The following NDST1 variants were observed in gnomAD, a reference collection of about 807,000 sequenced individuals.
NDST1 encodes the protein N-deacetylase and N-sulfotransferase 1, also known as bifunctional heparan sulfate N-deacetylase/N-sulfotransferase 1.
A neutral mutation model predicts 92.8 loss-of-function variants in NDST1; 35 were observed. The observed-to-expected ratio is 0.38, with a 90% confidence interval of 0.29 to 0.50. The LOEUF is 0.50. NDST1 is among the 20% of genes least tolerant of loss of function. NDST1 has a pLI of 0.94. For missense variants in NDST1, 822 were observed against 1,182.7 expected, an observed-to-expected ratio of 0.69 and a Z score of 4.47; for synonymous variants, 493 against 500.3, an observed-to-expected ratio of 0.99 and a Z score of 0.19.
At position 150,511,700 on chromosome 5, in the gene NDST1, G is replaced by A. The variant is rs113930760; in HGVS notation, c.-388+3474G>A. On this transcript the variant is annotated intron_variant, in intron 1 of 14. Coordinates refer to ENST00000261797, the MANE Select transcript of NDST1 (RefSeq NM_001543.5). ...CTGGACTCTGGGGTGACTGACAGGC[G>A]GCAGCTTGGCTCCTGGCCAGGCAGC... is the stretch of plus-strand genomic sequence containing the variant. Among the ~76,000 whole-genome samples the A allele has an allele frequency of 3.9e-3, 601 of 152,238 alleles. 4 individuals carry two copies. Among genetic ancestry groups the A allele is most frequent in the African/African-American group, 0.014 (565 of 41,522 alleles).
chr5:150,508,540 G>T, intron 1 of NDST1, among the ~76,000 whole-genome samples: 1 of 152,190 alleles, frequency 6.6e-6, no homozygotes, highest in East Asian at 1.9e-4. Context: ...TTCTCCTGTG[G>T]CTTCTCCAGA....
chr5:150,503,121 A>G (rs1407574281), intron 1 of NDST1, among the ~76,000 whole-genome samples: 1 of 152,124 alleles, frequency 6.6e-6, no homozygotes, highest in Non-Finnish European at 1.5e-5. Flanking sequence ...TCACAGGGTT[A>G]CTGTGAGGTT....
chr5:150,522,631 G>A (rs1053427268), intron 2 of NDST1, among the ~76,000 whole-genome samples: 7 of 152,166 alleles, frequency 4.6e-5, no homozygotes, highest in Admixed American at 1.3e-4. Flanking sequence ...AGCGGTGATC[G>A]AAGTGGACAA....
chr5:150,501,623 A>G (rs1437330509), intron 1 of NDST1, among the ~76,000 whole-genome samples: 1 of 152,174 alleles, frequency 6.6e-6, no homozygotes, highest in African/African-American at 2.4e-5. Context: ...GAGGGAGACA[A>G]TAGTCCCTCA....
chr5:150,539,573 C>G (rs561683822), intron 7 of NDST1: 1 of 1,412,866 alleles, frequency 7.1e-7, no homozygotes, highest in East Asian at 2.6e-5. Flanking sequence ...TAATCATGTA[C>G]TTTAATACAA....
intron 1 of NDST1, among the ~76,000 whole-genome samples, chr5:150,512,329 G>A (rs1019018911): frequency 6.6e-6 from 1 of 152,198 alleles, no homozygotes; most frequent in Non-Finnish European, 1.5e-5. Flanking sequence ...TGTGGGCTGG[G>A]TGAGCATTCA....
chr5:150,504,600 G>A (rs1375402628), upstream of NDST1, among the ~76,000 whole-genome samples: 1 of 152,198 alleles, frequency 6.6e-6, no homozygotes, highest in African/African-American at 2.4e-5. Context: ...ACAGAGCTGT[G>A]CAGCATGAGG....
At position 150,539,562 on chromosome 5, in the gene NDST1, C is replaced by G; in HGVS notation, c.1566+206C>G. On this transcript the variant is annotated intron_variant, in intron 7 of 14. Coordinates refer to ENST00000261797, the MANE Select transcript of NDST1 (RefSeq NM_001543.5). Reference sequence around the variant, plus strand: ...CCGAGCATGCTTTTTTTTTCCTTTCCTAATCATGTACTTTAATACAAAAGT... The same window carrying G: ...CCGAGCATGCTTTTTTTTTCCTTTCGTAATCATGTACTTTAATACAAAAGT... The G allele has an allele frequency of 5.6e-6, 8 of 1,426,680 alleles. No individual in the cohort carries two copies. The South Asian group carries it at 1.0e-4, about 18-fold the overall frequency. 88.4% of individuals were successfully genotyped at this position (1,426,680 alleles called of 1,614,324 possible).
At chr5:150,519,421 T>C (rs1472404709) in intron 1 of NDST1, among the ~76,000 whole-genome samples, 3 of 152,194 alleles carry the variant, frequency 2.0e-5, no homozygotes, top group African/African-American at 4.8e-5. Context: ...TAGTTGCTCC[T>C]TGGGGGCCAG....
intron 1 of NDST1, among the ~76,000 whole-genome samples, chr5:150,516,700 C>T (rs1273587249): frequency 1.3e-5 from 2 of 152,138 alleles, no homozygotes; most frequent in African/African-American, 4.8e-5. Flanking sequence ...GAGTCTCGCT[C>T]TATTGCCCAG....
chr5:150,505,080 C>T (rs1476117046), upstream of NDST1, among the ~76,000 whole-genome samples: 2 of 152,192 alleles, frequency 1.3e-5, no homozygotes, highest in Non-Finnish European at 2.9e-5. Context: ...GCAGCAATGC[C>T]TGTGAAAATG....
rs138962514 is a variant in NDST1, at chr5:150,521,588, C to T, written c.334C>T (p.Arg112Cys). Reference sequence around the variant, plus strand: ...CCTGGAGTCCAGCCGCTTCAAATACCGCACAGAGATTGCGCCGGGCAAGGG... The same window carrying T: ...CCTGGAGTCCAGCCGCTTCAAATACTGCACAGAGATTGCGCCGGGCAAGGG... ...AILESSRFKY[R>C]TEIAPGKGDM... The change falls in exon 2 of 15, where the codon CGC (arginine) becomes TGC (cysteine). Residue 112 changes from arginine (R) to cysteine (C), a missense_variant. Physicochemically the swap from Arg to Cys is radical, Grantham distance 180. Transcript: ENST00000261797. The surrounding 1 kb of genome is among the most constrained non-coding windows in gnomAD (Gnocchi z 5.9). The T allele has an allele frequency of 7.3e-4, 1,184 of 1,613,916 alleles. 1 individual carries two copies. The highest frequency in any genetic ancestry group is 9.8e-4 in the Non-Finnish European group (1,152 of 1,180,044).
chr5:150,510,392 G>T (rs1393939216), intron 1 of NDST1, among the ~76,000 whole-genome samples: 1 of 152,228 alleles, frequency 6.6e-6, no homozygotes, highest in African/African-American at 2.4e-5. Flanking sequence ...CAGATTTGGG[G>T]ATAGGGTGGG....
Position 150,539,220 on chromosome 5 carries a change from C to T in NDST1, c.1438-8C>T. ...CACCATAGCTCCTCTCCCCCACCCC[C>T]TCCTCAGGTTCTCCCACGGCAGACC... On this transcript the variant is annotated splice_polypyrimidine_tract_variant and splice_region_variant and intron_variant, in intron 6 of 14. Coordinates refer to ENST00000261797, the MANE Select transcript of NDST1 (RefSeq NM_001543.5). The T allele has an allele frequency of 6.2e-7, 1 of 1,612,452 alleles. No homozygotes were observed. Among genetic ancestry groups the T allele is most frequent in the Non-Finnish European group, 8.5e-7 (1 of 1,178,456 alleles).
intron 12 of NDST1, 44 bp downstream of exon 12, chr5:150,548,432 G>T (rs374970147): frequency 1.3e-6 from 2 of 1,597,718 alleles, no homozygotes; most frequent in Non-Finnish European, 8.5e-7. Context: ...CACAGTACTG[G>T]CTTGCTGTGG....
chr5:150,501,897 G>A (rs1753248123), intron 1 of NDST1, among the ~76,000 whole-genome samples: 1 of 152,212 alleles, frequency 6.6e-6, no homozygotes, highest in African/African-American at 2.4e-5. Context: ...CTGGTGAGGG[G>A]CAGTAGACTC....
At chr5:150,514,192 A>C (rs984567043) in intron 1 of NDST1, among the ~76,000 whole-genome samples, 2 of 152,260 alleles carry the variant, frequency 1.3e-5, no homozygotes, top group African/African-American at 4.8e-5. Flanking sequence ...GATGTTGGGC[A>C]AGTGACAACC....
At chr5:150,530,147 T>C (rs1754655897) in intron 3 of NDST1, among the ~76,000 whole-genome samples, 1 of 151,632 alleles carries the variant, frequency 6.6e-6, no homozygotes, top group Non-Finnish European at 1.5e-5. Context: ...ATAGCTGGGG[T>C]GGGGGTTAGG....
intron 6 of NDST1, 80 bp from the exon 7 acceptor site, chr5:150,539,148 C>T (rs1755128193): frequency 4.2e-6 from 5 of 1,203,730 alleles, no homozygotes; most frequent in Non-Finnish European, 6.2e-6. Flanking sequence ...GCAGCTGGGC[C>T]TTCTTCCTCT....
Sources: gnomAD v4.1 joint callset for allele counts (sites outside exome capture counted in the v4.1 genomes callset) on GRCh38, gnomAD v4.1.1 for gene constraint, Gnocchi (gnomAD v3.1) non-coding constraint, MANE v1.5 for transcripts, NCBI Gene and HGNC (gene_info 2026-07-23, HGNC 2026-07-21) for gene names.